Variants in NFIB observed in about 807,000 individuals in gnomAD.
NFIB encodes the protein nuclear factor I B.
NFIB carries 11 observed loss-of-function variants against 61.5 expected under a neutral mutation model. That is an observed-to-expected ratio of 0.18 (90% CI 0.11 to 0.30). The LOEUF (loss-of-function observed/expected upper bound fraction) is 0.30, where lower values mean the gene tolerates loss of function less well. Among genes scored for constraint, NFIB ranks in the 10% least tolerant of loss-of-function variants. NFIB has a pLI of 1.00. For synonymous variants in NFIB, 260 were observed against 216.5 expected (o/e 1.20, Z -1.76); for missense variants, 471 against 608.9 (o/e 0.77, Z 2.38).
intron 1 of NFIB, among the ~76,000 whole-genome samples, chr9:14,388,367 AGAAGGAAGGAAGGAAGGAAGGAAG>A (rs55755915): frequency 5.8e-4 from 76 of 131,924 alleles, no homozygotes; most frequent in Middle Eastern, 3.7e-3. Flanking sequence ...AGAGAAAGAA[AGAAGGAAGGAAGGAAGGAAGGAAG>A]GAAGGAAGGA....
At chr9:14,443,409 G>A in the NFIB span, among the ~76,000 whole-genome samples, 1 of 152,080 alleles carries the variant, frequency 6.6e-6, no homozygotes, top group South Asian at 2.1e-4. Context: ...GGCATCTCAG[G>A]TTCACTGTCC....
chr9:14,182,800 A>G (rs917112401), intron 2 of NFIB, among the ~76,000 whole-genome samples: 1 of 147,378 alleles, frequency 6.8e-6, no homozygotes, highest in Non-Finnish European at 1.5e-5. Flanking sequence ...GTCCCTCACT[A>G]GTGACATGAT....
chr9:14,390,644 G>T (rs909404512), intron 1 of NFIB, among the ~76,000 whole-genome samples: 1 of 152,164 alleles, frequency 6.6e-6, no homozygotes, highest in Non-Finnish European at 1.5e-5. Flanking sequence ...GCTTTTGGAA[G>T]GTTATTAGGT....
At chr9:14,236,864 T>A (rs9695327) in intron 2 of NFIB, among the ~76,000 whole-genome samples, 2 of 150,224 alleles carry the variant, frequency 1.3e-5, no homozygotes, top group Non-Finnish European at 3.0e-5. Flanking sequence ...AAAAAAAAAA[T>A]AAAAACACAA....
intron 10 of NFIB, among the ~76,000 whole-genome samples, chr9:14,101,356 G>C (rs770694804): frequency 6.6e-6 from 1 of 152,126 alleles, no homozygotes; most frequent in Non-Finnish European, 1.5e-5. Context: ...AACATAATCT[G>C]AATTATTTCC....
intron 8 of NFIB, among the ~76,000 whole-genome samples, chr9:14,119,995 C>T (rs560207659): frequency 2.0e-5 from 3 of 152,326 alleles, no homozygotes; most frequent in Admixed American, 2.0e-4. Context: ...AGAATGTTTA[C>T]ATTACCAAAG....
intron 1 of NFIB, chr9:14,361,187 G>T (rs1202471461): frequency 6.7e-6 from 1 of 149,346 alleles, no homozygotes; most frequent in Non-Finnish European, 1.5e-5. Context: ...ATTAAATTCA[G>T]ATAAGTTTAA....
In NFIB at chr9:14,151,173, G is replaced by T. The variant is rs1005044212; in HGVS notation, c.686-908C>A. On this transcript the variant is annotated intron_variant, in intron 4 of 10. Coordinates refer to ENST00000380953, the MANE Select transcript of NFIB (RefSeq NM_001190737.2). ...TGAAATGAAATAGGTAGTGATAAGAGCCTAGAATCATGCCTAGTGTATAAC... is the reference window on the plus strand; with the variant it reads ...TGAAATGAAATAGGTAGTGATAAGATCCTAGAATCATGCCTAGTGTATAAC... Among the ~76,000 whole-genome samples the T allele has an allele frequency of 2.6e-5, 4 of 152,100 alleles. 1 individual carries two copies. In the South Asian group the frequency reaches 6.2e-4, roughly 24 times the overall value.
At chr9:14,284,816 T>A (rs2058605031) in intron 2 of NFIB, among the ~76,000 whole-genome samples, 2 of 152,194 alleles carry the variant, frequency 1.3e-5, no homozygotes, top group South Asian at 4.1e-4. Context: ...AAGATCTTTA[T>A]CATAAGTCAA....
At chr9:14,305,851 T>G (rs1416432399) in intron 2 of NFIB, 3 of 445,676 alleles carry the variant, frequency 6.7e-6, no homozygotes, top group Non-Finnish European at 7.4e-6. Flanking sequence ...GCAGGCCATT[T>G]TTCCTCCCAC....
intron 6 of NFIB, among the ~76,000 whole-genome samples, chr9:14,129,450 A>G (rs2040130664): frequency 6.6e-6 from 1 of 151,870 alleles, no homozygotes; most frequent in South Asian, 2.1e-4. Flanking sequence ...AAGGGGAAAT[A>G]AAAGATCAAT....
At chr9:14,465,571 T>C in the NFIB span, among the ~76,000 whole-genome samples, 1 of 66,180 alleles carries the variant, frequency 1.5e-5, no homozygotes, top group Non-Finnish European at 2.8e-5. Flanking sequence ...AAATGACTTG[T>C]TACACACACA....
At chr9:14,281,120 T>C (rs2058345314) in intron 2 of NFIB, among the ~76,000 whole-genome samples, 1 of 152,222 alleles carries the variant, frequency 6.6e-6, no homozygotes, top group South Asian at 2.1e-4. Context: ...GTATTGTGGT[T>C]GCTAACTTGA....
chr9:14,462,706 T>C, the NFIB span, among the ~76,000 whole-genome samples: 2 of 152,220 alleles, frequency 1.3e-5, no homozygotes, highest in African/African-American at 2.4e-5. Flanking sequence ...TGACTATCAA[T>C]TGGGGGAATT....
chr9:14,359,571 T>G (rs73419616), intron 1 of NFIB, among the ~76,000 whole-genome samples: 1 of 152,064 alleles, frequency 6.6e-6, no homozygotes, highest in Non-Finnish European at 1.5e-5. Flanking sequence ...CCTCCATAAA[T>G]GTGAGATAAT....
the NFIB span, among the ~76,000 whole-genome samples, chr9:14,507,338 G>T: frequency 6.6e-6 from 1 of 152,210 alleles, no homozygotes; most frequent in African/African-American, 2.4e-5. Context: ...CTTTAAAGAT[G>T]TATTTTCTAT....
intron 1 of NFIB, among the ~76,000 whole-genome samples, chr9:14,333,072 C>T (rs1300626254): frequency 6.6e-6 from 1 of 152,168 alleles, no homozygotes; most frequent in African/African-American, 2.4e-5. Flanking sequence ...TATTGTAGAG[C>T]TTTGGCAGCT....
intron 1 of NFIB, among the ~76,000 whole-genome samples, chr9:14,389,453 AT>A (rs755698924): frequency 2.0e-5 from 3 of 152,156 alleles, no homozygotes; most frequent in East Asian, 3.8e-4. Context: ...TAAGATATAG[AT>A]TTTTCCTTCA....
At chr9:14,224,580 T>A (rs2052123709) in intron 2 of NFIB, among the ~76,000 whole-genome samples, 1 of 152,238 alleles carries the variant, frequency 6.6e-6, no homozygotes, top group South Asian at 2.1e-4. Context: ...CTGAGTACTA[T>A]GCTGAATCCA....
Sources: gnomAD v4.1 joint callset for allele counts (sites outside exome capture counted in the v4.1 genomes callset) on GRCh38, gnomAD v4.1.1 for gene constraint, MANE v1.5 for transcripts, NCBI Gene and HGNC (gene_info 2026-07-23, HGNC 2026-07-21) for gene names.